ZNF362: variants seen among roughly 807,000 people sequenced by gnomAD.
ZNF362 encodes the protein zinc finger protein 362.
In ZNF362, 11 loss-of-function variants were observed where a neutral mutation model predicts 42.9. The observed-to-expected ratio is 0.26, with a 90% CI of 0.16 to 0.42. The LOEUF is 0.42. Among genes scored for constraint, ZNF362 ranks in the 20% least tolerant of loss-of-function variants. The probability of loss-of-function intolerance (pLI) is 1.00; values close to 1 mark genes in which losing one functional copy is unlikely to be tolerated. For synonymous variants in ZNF362, 255 were observed against 257.3 expected, an observed-to-expected ratio of 0.99 and a Z score of 0.09; for missense variants, 362 against 576.2, an observed-to-expected ratio of 0.63 and a Z score of 3.81.
intron 1 of ZNF362, among the ~76,000 whole-genome samples, chr1:33,267,728 A>G (rs994682398): frequency 2.0e-5 from 3 of 152,244 alleles, no homozygotes; most frequent in Admixed American, 6.5e-5. Context: ...ACCATAGACT[A>G]TGACACCAGG....
the ZNF362 span, among the ~76,000 whole-genome samples, chr1:33,192,170 T>C: frequency 3.6e-3 from 555 of 152,288 alleles, 4 homozygotes; most frequent in African/African-American, 0.013. Context: ...ACCCTATCAT[T>C]TTCCTCCTTT....
the ZNF362 span, among the ~76,000 whole-genome samples, chr1:33,236,264 C>T: frequency 5.9e-5 from 9 of 151,576 alleles, no homozygotes; most frequent in Non-Finnish European, 1.0e-4. Context: ...TAAAACAGGC[C>T]GGTTGCAGTG....
chr1:33,270,616 A>G lies in ZNF362; in HGVS notation c.38+4A>G, dbSNP rs1334954135. On this transcript the variant is annotated splice_donor_region_variant and intron_variant, in intron 2 of 8. Coordinates refer to ENST00000539719, the MANE Select transcript of ZNF362 (RefSeq NM_152493.3). ...CAAGTGGGAAAGGACACTCTAGGTAAGGAGCCTGTGATTCCAGGTTGCACT... is the reference window on the plus strand; with the variant it reads ...CAAGTGGGAAAGGACACTCTAGGTAGGGAGCCTGTGATTCCAGGTTGCACT... 6.2e-7 allele frequency: 1 copy of G among 1,613,166 alleles called. No individual in the cohort carries two copies. Among genetic ancestry groups the G allele is most frequent in the Non-Finnish European group, 8.5e-7 (1 of 1,179,548 alleles).
chr1:33,298,208 G>T (rs562840987), intron 8 of ZNF362, among the ~76,000 whole-genome samples: 1 of 152,272 alleles, frequency 6.6e-6, no homozygotes, highest in Admixed American at 6.5e-5. Context: ...GCCAGTGGAG[G>T]ACATGATAGT....
chr1:33,253,190 T>G (rs1645770133), upstream of ZNF362, among the ~76,000 whole-genome samples: 1 of 144,204 alleles, frequency 6.9e-6, no homozygotes, highest in South Asian at 2.3e-4. Context: ...ATCATGAAGG[T>G]GGATGGTGTG....
At chr1:33,165,507 C>T in the ZNF362 span, 16 of 1,609,742 alleles carry the variant, frequency 9.9e-6, no homozygotes, top group South Asian at 5.5e-5. This position sits in a 1 kb window ranked among gnomAD's most constrained non-coding sequence, Gnocchi z 4.0. Context: ...GCAGCTGCAG[C>T]GCTTCGGTGT....
chr1:33,144,524 C>G, the ZNF362 span, among the ~76,000 whole-genome samples: 2 of 152,254 alleles, frequency 1.3e-5, no homozygotes, highest in African/African-American at 4.8e-5. Context: ...GGCTAAAATA[C>G]TGTCCTGGGC....
intron 1 of ZNF362, among the ~76,000 whole-genome samples, chr1:33,262,258 G>A (rs1645832962): frequency 6.7e-6 from 1 of 150,134 alleles, no homozygotes; most frequent in African/African-American, 2.5e-5. Context: ...TCCACCATCT[G>A]GGGTCCTTTT....
intron 2 of ZNF362, chr1:33,275,231 C>T: frequency 1.0e-6 from 1 of 985,392 alleles, no homozygotes; most frequent in Non-Finnish European, 1.2e-6. Context: ...GGAAGACAAA[C>T]CTTCTGGAAG....
the ZNF362 span, among the ~76,000 whole-genome samples, chr1:33,213,915 T>C: frequency 6.6e-6 from 1 of 151,972 alleles, no homozygotes; most frequent in African/African-American, 2.4e-5. Context: ...AAAAACAAGA[T>C]TGAACGAAAA....
chr1:33,282,771 G>A (rs1198603435), intron 6 of ZNF362, among the ~76,000 whole-genome samples: 1 of 150,708 alleles, frequency 6.6e-6, no homozygotes, highest in African/African-American at 2.4e-5. Flanking sequence ...GCAGTGAGCC[G>A]AGATTGCGCC....
rs1646147078 is a variant in ZNF362 at position 33,299,148 on chromosome 1, C to G, written c.*102C>G. 1 of 835,714 alleles carries G rather than the reference C, an allele frequency of 1.2e-6. No homozygotes were observed. 51.8% of individuals were successfully genotyped at this position (835,714 alleles called of 1,614,324 possible). A position where few individuals can be genotyped will look rare whatever the true frequency, so the allele number is the denominator to read the frequency against. On this transcript the variant is annotated 3_prime_UTR_variant, in exon 9 of 9. Transcript: ENST00000539719. ...GGGGCCCTCCAGGAACCACCAAGCT[C>G]TCTCACGACCTTCCCAATCTTCCAG...
chr1:33,189,412 C>T, the ZNF362 span, among the ~76,000 whole-genome samples: 1 of 151,798 alleles, frequency 6.6e-6, no homozygotes, highest in Non-Finnish European at 1.5e-5. Context: ...CAATGGATTA[C>T]TGTTGCACAT....
chr1:33,283,709 G>T (rs1646012818), intron 6 of ZNF362, among the ~76,000 whole-genome samples: 2 of 151,822 alleles, frequency 1.3e-5, no homozygotes, highest in African/African-American at 4.8e-5. Context: ...TGTCTCAAAA[G>T]AAAAAAAATA....
chr1:33,215,620 T>C, the ZNF362 span, among the ~76,000 whole-genome samples: 4 of 152,176 alleles, frequency 2.6e-5, no homozygotes, highest in Non-Finnish European at 2.9e-5. Flanking sequence ...TACATTGCCC[T>C]ATGTACTCCA....
intron 6 of ZNF362, among the ~76,000 whole-genome samples, chr1:33,285,784 C>T (rs368273212): frequency 2.6e-5 from 4 of 152,180 alleles, no homozygotes; most frequent in South Asian, 2.1e-4. Flanking sequence ...ATACATAGGC[C>T]GGGTGCCATG....
At chr1:33,207,117 C>T in the ZNF362 span, among the ~76,000 whole-genome samples, 1 of 147,706 alleles carries the variant, frequency 6.8e-6, no homozygotes, top group Non-Finnish European at 1.5e-5. Flanking sequence ...CACTCCCCAA[C>T]AGGCCCCGGT....
the ZNF362 span, among the ~76,000 whole-genome samples, chr1:33,243,763 AT>A: frequency 0.046 from 5,765 of 124,044 alleles, 83 homozygotes; most frequent in East Asian, 0.098. Flanking sequence ...CAACTGGCCA[AT>A]TTTTTTTTTT....
intron 1 of ZNF362, among the ~76,000 whole-genome samples, chr1:33,267,012 G>C (rs1449037518): frequency 6.6e-6 from 1 of 152,182 alleles, no homozygotes; most frequent in Non-Finnish European, 1.5e-5. Context: ...GGGGCCCCTG[G>C]ATGGGACCAG....
Sources: allele counts gnomAD v4.1 joint callset (sites outside exome capture counted in the v4.1 genomes callset), GRCh38; gene constraint gnomAD v4.1.1; non-coding constraint Gnocchi (gnomAD v3.1); transcripts MANE v1.5; gene names NCBI Gene and HGNC (gene_info 2026-07-23, HGNC 2026-07-21).